Variants in ZNF383 observed in about 807,000 individuals in gnomAD.
ZNF383 encodes the protein zinc finger protein 383.
A neutral mutation model predicts 44.2 loss-of-function variants in ZNF383; 32 were observed. The ratio of observed to expected loss-of-function variants is 0.72; its 90% CI spans 0.55 to 0.97. ZNF383 has a LOEUF of 0.97. Among genes scored for constraint, ZNF383 ranks in the 50% least tolerant of loss-of-function variants. The probability of loss-of-function intolerance (pLI) is 0.00; values close to 1 mark genes in which losing one functional copy is unlikely to be tolerated. For missense variants in ZNF383, 487 were observed against 562.5 expected, an observed-to-expected ratio of 0.87 and a Z score of 1.36; for synonymous variants, 155 against 186.2, an observed-to-expected ratio of 0.83 and a Z score of 1.36.
chr19:37,228,359 T>C (rs539297005), intron 2 of ZNF383, among the ~76,000 whole-genome samples: 2 of 151,918 alleles, frequency 1.3e-5, no homozygotes, highest in South Asian at 4.1e-4. Flanking sequence ...TTTTAGGTTA[T>C]AATTGTAGAA....
intron 5 of ZNF383, 115 bp from the exon 6 acceptor site, chr19:37,242,354 C>T (rs1974156988): frequency 1.6e-6 from 1 of 640,038 alleles, no homozygotes; most frequent in African/African-American, 1.8e-5. Flanking sequence ...CTTGTGAACC[C>T]TGTGTCATTT....
At chr19:37,231,566 T>G (rs1973487877) in intron 3 of ZNF383, among the ~76,000 whole-genome samples, 1 of 152,160 alleles carries the variant, frequency 6.6e-6, no homozygotes, top group Non-Finnish European at 1.5e-5. Context: ...ATCTTTTTCG[T>G]AGCTTTGATT....
chr19:37,224,738 A>G (rs1035744303), intron 1 of ZNF383, 80 bp from the exon 2 acceptor site: 1 of 148,844 alleles, frequency 6.7e-6, no homozygotes, highest in South Asian at 2.1e-4. Context: ...TTTTTTTTCA[A>G]TGATTTTGTT....
intron 3 of ZNF383, among the ~76,000 whole-genome samples, chr19:37,235,144 G>C (rs1020282084): frequency 1.3e-5 from 2 of 151,900 alleles, no homozygotes; most frequent in Non-Finnish European, 2.9e-5. Context: ...GTGGTGGTGC[G>C]TGCCTGTAAT....
intron 2 of ZNF383, among the ~76,000 whole-genome samples, chr19:37,229,676 G>GTATATGTGTGTGTATATATATGTATATA (rs1268206216): frequency 7.6e-6 from 1 of 132,400 alleles, no homozygotes; most frequent in Non-Finnish European, 1.5e-5. Context: ...ATATATGTAT[G>GTATATGTGTGTGTATATATATGTATATA]TATATGTGTG....
chr19:37,228,631 A>C (rs1973299446), intron 2 of ZNF383, among the ~76,000 whole-genome samples: 1 of 151,920 alleles, frequency 6.6e-6, no homozygotes, highest in Non-Finnish European at 1.5e-5. Context: ...GTGTCTACTA[A>C]CTGCAGTGAA....
At chr19:37,223,435 T>A (rs1052270061) in intron 1 of ZNF383, among the ~76,000 whole-genome samples, 2 of 152,124 alleles carry the variant, frequency 1.3e-5, no homozygotes, top group African/African-American at 4.8e-5. Context: ...TGGTGACTCA[T>A]GCCTGTAATC....
intron 2 of ZNF383, among the ~76,000 whole-genome samples, chr19:37,225,447 A>C (rs1338054246): frequency 1.3e-5 from 2 of 152,140 alleles, no homozygotes; most frequent in African/African-American, 4.8e-5. Flanking sequence ...TGTACAATAG[A>C]TCTTTAGAAC....
intron 3 of ZNF383, among the ~76,000 whole-genome samples, chr19:37,233,110 A>G (rs903658214): frequency 6.7e-5 from 10 of 150,106 alleles, no homozygotes; most frequent in Admixed American, 3.4e-4. Flanking sequence ...TTGTTTGTTT[A>G]TTTGTTTTTG....
At position 37,232,325 on chromosome 19, in the gene ZNF383, C is replaced by T. The variant is rs57138011; in HGVS notation, c.9+1863C>T. Among the ~76,000 whole-genome samples, 1,369 of 152,142 alleles carry T rather than the reference C, an allele frequency of 9.0e-3. 21 individuals are homozygous for T. Among genetic ancestry groups the T allele is most frequent in the African/African-American group, 0.031 (1,305 of 41,512 alleles). On this transcript the variant is annotated intron_variant, in intron 3 of 5. Transcript: ENST00000684119. Reference sequence around the variant, plus strand: ...CCTGACCTCGGGATCCACCCACCTTCGCAAAGTGCTGGGATTACAGGTGTG... The same window carrying T: ...CCTGACCTCGGGATCCACCCACCTTTGCAAAGTGCTGGGATTACAGGTGTG...
chr19:37,240,030 A>C (rs1974004162), intron 5 of ZNF383, among the ~76,000 whole-genome samples: 1 of 151,972 alleles, frequency 6.6e-6, no homozygotes, highest in Admixed American at 6.6e-5. Context: ...GTGGTGGTGC[A>C]CGCCTGTAGT....
rs1973426476 is a variant in ZNF383 at position 37,230,396 on chromosome 19, T to C, written c.-45-13T>C. 1.9e-6 allele frequency: 3 copies of C among 1,602,516 alleles called. No homozygotes were observed. In the Admixed American group the frequency reaches 5.0e-5, roughly 27 times the overall value. On this transcript the variant is annotated splice_polypyrimidine_tract_variant and intron_variant, in intron 2 of 5. Transcript: ENST00000684119. ...CCCCAGTCATGCAACCTCAGAACAC[T>C]GTCCTTTTTCAGGAGAACGGCCTCA...
intron 1 of ZNF383, among the ~76,000 whole-genome samples, chr19:37,220,394 A>G (rs1972863914): frequency 6.6e-6 from 1 of 152,028 alleles, no homozygotes; most frequent in South Asian, 2.1e-4. Context: ...CCTCCTGAGT[A>G]GCTGTGATTA....
At chr19:37,236,560 TTTC>T (rs1330934298) in intron 5 of ZNF383, among the ~76,000 whole-genome samples, 1 of 151,130 alleles carries the variant, frequency 6.6e-6, no homozygotes, top group African/African-American at 2.4e-5. Flanking sequence ...GCTAATTCTT[TTTC>T]TTCTTCTGCA....
chr19:37,243,057 G>A lies in ZNF383; in HGVS notation c.821G>A (p.Arg274Gln), dbSNP rs1254589886. 30 of 1,614,108 alleles carry A rather than the reference G, an allele frequency of 1.9e-5. No homozygotes were observed. The highest frequency in any genetic ancestry group is 6.7e-5 in the East Asian group (3 of 44,876). The part of the protein sequence containing the change: ...SYCSNLIDHQ[R>Q]IHTGEKPYEC... Reference sequence around the variant, plus strand: ...TGCTCAAATCTTATTGACCATCAGCGAATTCACACTGGTGAAAAACCTTAT... The same window carrying A: ...TGCTCAAATCTTATTGACCATCAGCAAATTCACACTGGTGAAAAACCTTAT... Residue 274 changes from arginine (R) to glutamine (Q), a missense_variant, in exon 6 of 6, where the codon CGA becomes CAA. Arg to Gln is a conservative substitution (Grantham distance 43). Transcript: ENST00000684119.
chr19:37,220,073 A>G (rs1020131910), intron 1 of ZNF383, among the ~76,000 whole-genome samples: 2 of 152,236 alleles, frequency 1.3e-5, no homozygotes, highest in African/African-American at 4.8e-5. Flanking sequence ...TCTACTACCC[A>G]GAAATAACCC....
In ZNF383 at chr19:37,243,678, C is replaced by T; in HGVS notation, c.*14C>T. 1 of 1,457,420 alleles carries T rather than the reference C, an allele frequency of 6.9e-7. No individual in the cohort carries two copies. The highest frequency in any genetic ancestry group is 9.2e-7 in the Non-Finnish European group (1 of 1,092,098). The allele number at this position is 1,457,420 out of a possible 1,614,324, so 90.3% of individuals were successfully genotyped here. A position where few individuals can be genotyped will look rare whatever the true frequency, so the allele number is the denominator to read the frequency against. On this transcript the variant is annotated 3_prime_UTR_variant, in exon 6 of 6. Transcript: ENST00000684119. ...ACTAATAAATAATAAAAATTAAAGC[C>T]CCTGTCACCTTCCTCATATTTTAAA... is the stretch of plus-strand genomic sequence containing the variant.
In ZNF383 at chr19:37,243,705, CA is replaced by C; in HGVS notation, c.*46del. 7.3e-7 allele frequency: 1 copy of C among 1,361,586 alleles called. No homozygotes were observed. The highest frequency in any genetic ancestry group is 9.9e-7 in the Non-Finnish European group (1 of 1,007,624). The allele number at this position is 1,361,586 out of a possible 1,614,324, so 84.3% of individuals were successfully genotyped here. On this transcript the variant is annotated 3_prime_UTR_variant, in exon 6 of 6. Coordinates refer to ENST00000684119, the MANE Select transcript of ZNF383 (RefSeq NM_001387601.1). ...CTGTCACCTTCCTCATATTTTAAAC[CA>C]AAAATCATGTCTAATAGTTACCCTC... is the stretch of plus-strand genomic sequence containing the variant.
chr19:37,238,396 T>C (rs1318298849), intron 5 of ZNF383, among the ~76,000 whole-genome samples: 3 of 151,136 alleles, frequency 2.0e-5, no homozygotes, highest in African/African-American at 7.3e-5. Context: ...ATAATATTTC[T>C]ATATTATTAT....
Sources: allele counts gnomAD v4.1 joint callset (sites outside exome capture counted in the v4.1 genomes callset), GRCh38; gene constraint gnomAD v4.1.1; transcripts MANE v1.5; gene names NCBI Gene and HGNC (gene_info 2026-07-23, HGNC 2026-07-21).